PPFIBP1: variants seen among roughly 807,000 people sequenced by gnomAD.
PPFIBP1 encodes liprin-beta-1.
A neutral mutation model predicts 137.8 loss-of-function variants in PPFIBP1; 112 were observed. The ratio of observed to expected loss-of-function variants is 0.81; its 90% CI spans 0.70 to 0.95. The LOEUF (loss-of-function observed/expected upper bound fraction) is 0.95. PPFIBP1 is among the 40% of genes least tolerant of loss of function. The pLI is 0.00. For missense variants in PPFIBP1, 1,083 were observed against 1,196.6 expected, an observed-to-expected ratio of 0.91 and a Z score of 1.40; for synonymous variants, 378 against 417.3, an observed-to-expected ratio of 0.91 and a Z score of 1.15.
intron 9 of PPFIBP1, among the ~76,000 whole-genome samples, chr12:27,657,690 A>G (rs1183441906): frequency 6.6e-6 from 1 of 152,074 alleles, no homozygotes; most frequent in Non-Finnish European, 1.5e-5. Context: ...CCTGAGGAAA[A>G]TGGATTCTCA....
chr12:27,572,532 T>C (rs889132085), intron 1 of PPFIBP1, among the ~76,000 whole-genome samples: 2 of 152,222 alleles, frequency 1.3e-5, no homozygotes, highest in Middle Eastern at 3.2e-3. Context: ...TCAAATATGA[T>C]TGCAAAGCAA....
chr12:27,626,622 A>G (rs1425779998), intron 2 of PPFIBP1, among the ~76,000 whole-genome samples: 2 of 151,612 alleles, frequency 1.3e-5, no homozygotes, highest in African/African-American at 4.9e-5. Context: ...GCTGGAGTGC[A>G]GTGGTGCGAT....
chr12:27,595,884 AAAATATATATATATAT>A (rs1565837774), intron 2 of PPFIBP1, among the ~76,000 whole-genome samples: 78 of 55,592 alleles, frequency 1.4e-3, no homozygotes, highest in African/African-American at 3.0e-3. Context: ...CAACAACAAC[AAAATATATATATATAT>A]ATATATATAT....
Position 27,682,659 on chromosome 12 carries a change from G to C in PPFIBP1, c.2203G>C (p.Asp735His). 1 of 1,614,168 alleles carries C rather than the reference G, an allele frequency of 6.2e-7. No homozygotes were observed. The highest frequency in any genetic ancestry group is 8.5e-7 in the Non-Finnish European group (1 of 1,180,018). ...IGLPQYKTQF[D>H]EGRVDGRMLH... ...CCTCCCTCAATATAAGACCCAGTTT[G>C]ATGAAGGACGGGTTGATGGTCGAAT... Residue 735 changes from aspartate (D) to histidine (H), a missense_variant, in exon 24 of 30, where the codon GAT becomes CAT. Asp to His is a moderately conservative substitution (Grantham distance 81, BLOSUM62 -1). Coordinates refer to ENST00000228425, the MANE Select transcript of PPFIBP1 (RefSeq NM_003622.4).
intron 2 of PPFIBP1, among the ~76,000 whole-genome samples, chr12:27,586,354 G>C (rs2051749532): frequency 6.6e-6 from 1 of 152,186 alleles, no homozygotes; most frequent in Non-Finnish European, 1.5e-5. Flanking sequence ...TAGTTTAAGA[G>C]AGGATCTATG....
At chr12:27,561,842 A>C (rs773426027) in intron 1 of PPFIBP1, among the ~76,000 whole-genome samples, 12 of 152,152 alleles carry the variant, frequency 7.9e-5, no homozygotes, top group Non-Finnish European at 1.8e-4. Flanking sequence ...TAAAGCAACA[A>C]CACCAGGCTG....
rs1458544712 is a variant in PPFIBP1 at position 27,633,471 on chromosome 12, T to C, written c.64+11T>C. Reference sequence around the variant, plus strand: ...ATGGTATCATAGCAGGTGATCTGCATCCTGTGAAAGACAGAATCACAACAT... The same window carrying C: ...ATGGTATCATAGCAGGTGATCTGCACCCTGTGAAAGACAGAATCACAACAT... On this transcript the variant is annotated intron_variant, in intron 3 of 29. Coordinates refer to ENST00000228425, the MANE Select transcript of PPFIBP1 (RefSeq NM_003622.4). 2 of 1,609,646 alleles carry C rather than the reference T, an allele frequency of 1.2e-6. No homozygotes were observed. The highest frequency in any genetic ancestry group is 1.7e-6 in the Non-Finnish European group (2 of 1,178,132).
intron 4 of PPFIBP1, among the ~76,000 whole-genome samples, chr12:27,640,517 T>G (rs1593053462): frequency 2.0e-5 from 3 of 152,156 alleles, no homozygotes; most frequent in Non-Finnish European, 4.4e-5. Flanking sequence ...TTCTCTGTCC[T>G]CCCCAAATTC....
intron 27 of PPFIBP1, among the ~76,000 whole-genome samples, chr12:27,690,526 C>T (rs2061468576): frequency 6.6e-6 from 1 of 152,160 alleles, no homozygotes; most frequent in African/African-American, 2.4e-5. Context: ...CACCTGAGTC[C>T]AGTAGTTCAA....
intron 2 of PPFIBP1, among the ~76,000 whole-genome samples, chr12:27,612,514 C>T (rs946801409): frequency 3.6e-4 from 54 of 151,818 alleles, no homozygotes; most frequent in Non-Finnish European, 3.4e-4. Context: ...ACCCAGCTAA[C>T]TGTTTGTTTG....
chr12:27,598,816 T>C (rs1362502038), intron 2 of PPFIBP1, among the ~76,000 whole-genome samples: 1 of 152,190 alleles, frequency 6.6e-6, no homozygotes, highest in South Asian at 2.1e-4. Context: ...ATACGGCTCA[T>C]GTTAATTTTT....
intron 1 of PPFIBP1, chr12:27,538,309 T>G (rs574049197): frequency 3.3e-5 from 5 of 152,274 alleles, no homozygotes; most frequent in African/African-American, 1.2e-4. Flanking sequence ...GGTAATCAAA[T>G]TTTGGGGTTT....
chr12:27,679,791 T>C, intron 20 of PPFIBP1, 142 bp from the exon 21 acceptor site: 2 of 1,350,570 alleles, frequency 1.5e-6, no homozygotes, highest in South Asian at 1.4e-5. Context: ...CATTGGGTCT[T>C]AGTTAAAGTT....
intron 8 of PPFIBP1, chr12:27,655,287 T>C (rs2059128210): frequency 1.6e-6 from 2 of 1,248,004 alleles, no homozygotes; most frequent in South Asian, 1.3e-5. Context: ...TTCTGGCTTG[T>C]GTTGTTTTGC....
At position 27,637,544 on chromosome 12, in the gene PPFIBP1, A is replaced by G. The variant is rs1476417245; in HGVS notation, c.270+2429A>G. 9.2e-5 allele frequency among the ~76,000 whole-genome samples: 14 copies of G among 152,310 alleles called. No homozygotes were observed. The South Asian group carries it at 1.9e-3, about 20-fold the overall frequency. On this transcript the variant is annotated intron_variant, in intron 4 of 29. Transcript: ENST00000228425. ...ATAAGGAATTTTTGTTGTTGTTGCTAAATTTATTTTTATCCATCTAACTTA... is the reference window on the plus strand; with the variant it reads ...ATAAGGAATTTTTGTTGTTGTTGCTGAATTTATTTTTATCCATCTAACTTA...
intron 12 of PPFIBP1, 119 bp downstream of exon 12, chr12:27,664,565 T>C: frequency 1.4e-6 from 1 of 698,834 alleles, no homozygotes; most frequent in Non-Finnish European, 2.5e-6. Flanking sequence ...AGGTAGCTAA[T>C]TCGTTAATTG....
At position 27,615,226 on chromosome 12, in the gene PPFIBP1, G is replaced by A. The variant is rs560411048; in HGVS notation, c.-35-18136G>A. Among the ~76,000 whole-genome samples the A allele has an allele frequency of 5.9e-5, 9 of 152,256 alleles. No individual in the cohort carries two copies. The South Asian group carries it at 1.7e-3, about 28-fold the overall frequency. On this transcript the variant is annotated intron_variant, in intron 2 of 29. Transcript: ENST00000228425. ...TTACAAAATCCAGGAAATTATACAA[G>A]TTATTTGGAAAATTCCCGTGTCGCA...
chr12:27,558,596 AACACAC>A (rs71039821), intron 1 of PPFIBP1, among the ~76,000 whole-genome samples: 68 of 119,868 alleles, frequency 5.7e-4, no homozygotes, highest in Non-Finnish European at 9.2e-4. Flanking sequence ...CCTCTCCACC[AACACAC>A]ACACACACAC....
intron 12 of PPFIBP1, 82 bp from the exon 13 acceptor site, chr12:27,667,084 A>G: frequency 7.5e-7 from 1 of 1,335,078 alleles, no homozygotes; most frequent in Non-Finnish European, 9.9e-7. Context: ...TATTCGTTAT[A>G]ATTGGGATTC....
Sources: gnomAD v4.1 joint callset for allele counts (sites outside exome capture counted in the v4.1 genomes callset) on GRCh38, gnomAD v4.1.1 for gene constraint, MANE v1.5 for transcripts, NCBI Gene and HGNC (gene_info 2026-07-23, HGNC 2026-07-21) for gene names.